The following COL4A1 variants were observed in gnomAD, a reference collection of about 807,000 sequenced individuals.
COL4A1 encodes the protein collagen type IV alpha 1 chain, also known as collagen alpha-1(IV) chain.
Under a neutral mutation model 216.6 loss-of-function variants are expected in COL4A1, and 40 were observed. The observed-to-expected ratio is 0.18, with a 90% confidence interval of 0.14 to 0.24. COL4A1 has a LOEUF of 0.24. Ranked by LOEUF, COL4A1 falls within the 10% of genes least tolerant of loss-of-function variation. COL4A1 has a pLI of 1.00. For missense variants in COL4A1, 1,628 were observed against 2,196.8 expected, an observed-to-expected ratio of 0.74 and a Z score of 5.18; for synonymous variants, 839 against 810.7, an observed-to-expected ratio of 1.03 and a Z score of -0.59.
intron 41 of COL4A1, among the ~76,000 whole-genome samples, chr13:110,171,331 A>G (rs756868533): frequency 6.6e-6 from 1 of 151,770 alleles, no homozygotes; most frequent in Non-Finnish European, 1.5e-5. Flanking sequence ...GGAGGGGGGG[A>G]TTATGAAGCC....
chr13:110,240,322 G>A (rs1282449497), intron 2 of COL4A1, among the ~76,000 whole-genome samples: 2 of 152,224 alleles, frequency 1.3e-5, no homozygotes, highest in African/African-American at 4.8e-5. Flanking sequence ...CCCTGGCCTA[G>A]GTCCCTTGGT....
chr13:110,171,578 CA>C (rs1877644267), intron 41 of COL4A1, among the ~76,000 whole-genome samples: 1 of 152,006 alleles, frequency 6.6e-6, no homozygotes, highest in Non-Finnish European at 1.5e-5. Flanking sequence ...ATAAAAATGC[CA>C]AAATTCTAAG....
At chr13:110,276,324 T>A (rs1363269999) in intron 1 of COL4A1, among the ~76,000 whole-genome samples, 1 of 152,232 alleles carries the variant, frequency 6.6e-6, no homozygotes, top group African/African-American at 2.4e-5. Context: ...ATAATTGTTT[T>A]ATTGTTGACT....
At chr13:110,255,256 G>C (rs1047859589) in intron 1 of COL4A1, among the ~76,000 whole-genome samples, 5 of 152,076 alleles carry the variant, frequency 3.3e-5, no homozygotes, top group African/African-American at 1.2e-4. Flanking sequence ...TAAAAGTTTA[G>C]AGATGAGGGA....
chr13:110,198,076 GGGGTGTGTGTGTGTGT>G (rs1419737538), intron 21 of COL4A1, among the ~76,000 whole-genome samples: 1 of 72,344 alleles, frequency 1.4e-5, no homozygotes, highest in African/African-American at 4.1e-5. Context: ...CCTTGTTTCT[GGGGTGTGTGTGTGTGT>G]GTGTGTGTGT....
chr13:110,161,037 T>C (rs1877059910), intron 49 of COL4A1, 155 bp downstream of exon 49: 1 of 845,308 alleles, frequency 1.2e-6, no homozygotes, highest in South Asian at 1.6e-5. Flanking sequence ...ATAATTTTTA[T>C]GGTAGATTTC....
At chr13:110,277,963 T>C (rs566554599) in intron 1 of COL4A1, among the ~76,000 whole-genome samples, 19 of 152,342 alleles carry the variant, frequency 1.2e-4, no homozygotes, top group African/African-American at 4.3e-4. Context: ...TGAAAGTTTC[T>C]AAAAAATTCT....
Position 110,203,617 on chromosome 13 carries a change from A to G in COL4A1, c.958-10T>C, listed in dbSNP as rs766495795. On this transcript the variant is annotated splice_polypyrimidine_tract_variant and intron_variant, in intron 17 of 51. Coordinates refer to ENST00000375820, the MANE Select transcript of COL4A1 (RefSeq NM_001845.6). Reference sequence around the variant, plus strand: ...CTTCACCCTTTTCTCCCTACAAAAGAAAAAATAACTTTCCTTGCATATTCT... The same window carrying G: ...CTTCACCCTTTTCTCCCTACAAAAGGAAAAATAACTTTCCTTGCATATTCT... 129 of 1,614,098 alleles carry G rather than the reference A, an allele frequency of 8.0e-5. 1 individual carries two copies. The South Asian group carries it at 1.2e-3, about 15-fold the overall frequency.
chr13:110,267,422 G>A (rs925217178), intron 1 of COL4A1, among the ~76,000 whole-genome samples: 2 of 152,150 alleles, frequency 1.3e-5, no homozygotes, highest in Non-Finnish European at 2.9e-5. Flanking sequence ...TGTCATCTCA[G>A]TGCCTCCCCT....
At chr13:110,204,386 T>C (rs1254893733) in intron 17 of COL4A1, among the ~76,000 whole-genome samples, 1 of 152,184 alleles carries the variant, frequency 6.6e-6, no homozygotes, top group East Asian at 1.9e-4. Flanking sequence ...TAAATATATC[T>C]ACCATTTAAA....
rs561304309 is a variant in COL4A1 at position 110,224,658 on chromosome 13, T to C, written c.145-10643A>G. Among the ~76,000 whole-genome samples, 5 of 152,336 alleles carry C rather than the reference T, an allele frequency of 3.3e-5. No individual in the cohort carries two copies. The East Asian group carries it at 9.6e-4, about 29-fold the overall frequency. Reference sequence around the variant, plus strand: ...TCTTATAAAGACACTTTGCTTTATTTTCATTAGCTCCAAAGCAAGGCCCCT... The same window carrying C: ...TCTTATAAAGACACTTTGCTTTATTCTCATTAGCTCCAAAGCAAGGCCCCT... On this transcript the variant is annotated intron_variant, in intron 2 of 51. Coordinates refer to ENST00000375820, the MANE Select transcript of COL4A1 (RefSeq NM_001845.6).
At chr13:110,220,299 G>C (rs1880413336) in intron 2 of COL4A1, among the ~76,000 whole-genome samples, 1 of 152,210 alleles carries the variant, frequency 6.6e-6, no homozygotes, top group East Asian at 1.9e-4. Flanking sequence ...CAACATCATA[G>C]CTTAGCCTAG....
At chr13:110,210,869 A>G (rs920149632) in intron 8 of COL4A1, among the ~76,000 whole-genome samples, 2 of 152,130 alleles carry the variant, frequency 1.3e-5, no homozygotes, top group Non-Finnish European at 2.9e-5. Context: ...ACCCAAGACT[A>G]CAACTCCACC....
intron 2 of COL4A1, among the ~76,000 whole-genome samples, chr13:110,225,168 A>G (rs1880680625): frequency 6.6e-6 from 1 of 152,184 alleles, no homozygotes. Flanking sequence ...CAGGGTGTGC[A>G]GAGCCGCGTA....
In COL4A1 at chr13:110,174,605, G is replaced by A; in HGVS notation, c.3325+18C>T. ...TTTCTTAGATTCCCCAAGTCCAAGA[G>A]AAGCCCCCCTCACCTACCTGGATAG... is the stretch of plus-strand genomic sequence containing the variant. On this transcript the variant is annotated intron_variant, in intron 38 of 51. Transcript: ENST00000375820. The A allele has an allele frequency of 6.2e-7, 1 of 1,614,084 alleles. No individual in the cohort carries two copies.
chr13:110,297,597 A>G (rs1884326293), intron 1 of COL4A1, among the ~76,000 whole-genome samples: 1 of 152,222 alleles, frequency 6.6e-6, no homozygotes, highest in South Asian at 2.1e-4. Context: ...ATCTGACTCC[A>G]GAGTCTGAAA....
intron 1 of COL4A1, among the ~76,000 whole-genome samples, chr13:110,247,309 C>T (rs1260005089): frequency 6.6e-6 from 1 of 152,094 alleles, no homozygotes; most frequent in Admixed American, 6.5e-5. Flanking sequence ...GCACACATAA[C>T]TTCAATAGCA....
chr13:110,260,736 G>T (rs1052537295), intron 1 of COL4A1, among the ~76,000 whole-genome samples: 1 of 152,108 alleles, frequency 6.6e-6, no homozygotes, highest in South Asian at 2.1e-4. Context: ...ACTCACAGCC[G>T]GTGAACTCTA....
chr13:110,207,539 G>T lies in COL4A1; in HGVS notation c.694-50C>A. ...AATTAGGCATGAAAACAATTATGCA[G>T]ACATGAAAAATTGCAGAGAGAGGTA... On this transcript the variant is annotated intron_variant, in intron 12 of 51. Transcript: ENST00000375820. This position sits in a 1 kb window ranked among gnomAD's most constrained non-coding sequence, Gnocchi z 4.4. 1 of 1,476,590 alleles carries T rather than the reference G, an allele frequency of 6.8e-7. No homozygotes were observed. Among genetic ancestry groups the T allele is most frequent in the Non-Finnish European group, 9.5e-7 (1 of 1,055,972 alleles). 91.5% of individuals were successfully genotyped at this position (1,476,590 alleles called of 1,614,324 possible). A position where few individuals can be genotyped will look rare whatever the true frequency, so the allele number is the denominator to read the frequency against.
Sources: allele counts gnomAD v4.1 joint callset (sites outside exome capture counted in the v4.1 genomes callset), GRCh38; gene constraint gnomAD v4.1.1; non-coding constraint Gnocchi (gnomAD v3.1); transcripts MANE v1.5; gene names NCBI Gene and HGNC (gene_info 2026-07-23, HGNC 2026-07-21).